Variants in DACH2 observed in about 807,000 individuals in gnomAD.
DACH2 encodes the protein dachshund homolog 2.
A neutral mutation model predicts 35.8 loss-of-function variants in DACH2; 17 were observed. The observed-to-expected ratio is 0.48, with a 90% CI of 0.33 to 0.71. The LOEUF is 0.71. Among genes scored for constraint, DACH2 ranks in the 30% least tolerant of loss-of-function variants. The pLI is 0.02. For synonymous variants in DACH2, 195 were observed against 177.3 expected (o/e 1.10, Z -0.79); for missense variants, 469 against 472.7 (o/e 0.99, Z 0.07).
chrX:86,571,148 T>C (rs926509067), intron 3 of DACH2, among the ~76,000 whole-genome samples: 2 of 110,962 alleles, frequency 1.8e-5, no homozygotes, highest in African/African-American at 6.5e-5. Flanking sequence ...GGTTTTATTT[T>C]CTACATGAAT....
intron 4 of DACH2, among the ~76,000 whole-genome samples, chrX:86,666,229 C>T (rs373768652): frequency 9.1e-6 from 1 of 110,338 alleles, no homozygotes; most frequent in African/African-American, 3.3e-5. Flanking sequence ...TTCTCTACTA[C>T]GTCTACCAGA....
chrX:86,430,220 G>A (rs1400789904), intron 2 of DACH2, among the ~76,000 whole-genome samples: 1 of 111,915 alleles, frequency 8.9e-6, no homozygotes, highest in Admixed American at 9.5e-5. Context: ...TAAACCTGAG[G>A]TATTTAACAT....
intron 1 of DACH2, among the ~76,000 whole-genome samples, chrX:86,246,711 C>G (rs2033291824): frequency 8.9e-6 from 1 of 112,115 alleles, no homozygotes; most frequent in Non-Finnish European, 1.9e-5. Context: ...ACCACGAAAA[C>G]ACACTTAAGT....
At chrX:86,272,823 A>G (rs907759778) in intron 1 of DACH2, among the ~76,000 whole-genome samples, 1 of 112,178 alleles carries the variant, frequency 8.9e-6, no homozygotes, top group Non-Finnish European at 1.9e-5. Flanking sequence ...AGCATTTTAA[A>G]TACTATCAGA....
At position 86,336,351 on chromosome X, in the gene DACH2, G is replaced by T. The variant is rs1013700008; in HGVS notation, c.489-40473G>T. ...CCAGCTCCTCTTTGTACCTCTGGTA[G>T]AATTCAGCTGTGAGTCTGTCTGGTC... On this transcript the variant is annotated intron_variant, in intron 1 of 11. Coordinates refer to ENST00000373125, the MANE Select transcript of DACH2 (RefSeq NM_053281.3). Among the ~76,000 whole-genome samples, 3 of 112,078 alleles carry T rather than the reference G, an allele frequency of 2.7e-5. No homozygotes were observed. The East Asian group carries it at 8.5e-4, about 32-fold the overall frequency.
chrX:86,524,711 G>A (rs2038606067), intron 3 of DACH2, among the ~76,000 whole-genome samples: 1 of 111,230 alleles, frequency 9.0e-6, no homozygotes, highest in South Asian at 3.8e-4. Context: ...ACTTAAAAAT[G>A]TCTCCCCCCA....
chrX:86,562,069 G>A (rs1252116218), intron 3 of DACH2, among the ~76,000 whole-genome samples: 1 of 108,960 alleles, frequency 9.2e-6, no homozygotes, highest in South Asian at 4.0e-4. Flanking sequence ...CAAAGGTAAA[G>A]CTTCCCACCA....
intron 7 of DACH2, among the ~76,000 whole-genome samples, chrX:86,775,647 TCAGTTCA>T (rs1243209634): frequency 1.8e-5 from 2 of 111,964 alleles, no homozygotes; most frequent in East Asian, 5.6e-4. Context: ...AATAATGTGC[TCAGTTCA>T]TACTGTTATT....
intron 2 of DACH2, among the ~76,000 whole-genome samples, chrX:86,402,198 G>A (rs1026881560): frequency 9.0e-6 from 1 of 111,591 alleles, no homozygotes; most frequent in Non-Finnish European, 1.9e-5. Context: ...AATCAGACAA[G>A]AGAAAGAAAC....
chrX:86,429,535 A>ATTTCTTTTCTTTTCT (rs144228984), intron 2 of DACH2, among the ~76,000 whole-genome samples: 4,052 of 101,458 alleles, frequency 0.04, 267 homozygotes, highest in African/African-American at 0.14. Context: ...TCTAGAGTGC[A>ATTTCTTTTCTTTTCT]TTTCTTTTCT....
At chrX:86,560,625 C>T (rs1228705268) in intron 3 of DACH2, among the ~76,000 whole-genome samples, 1 of 89,453 alleles carries the variant, frequency 1.1e-5, no homozygotes, top group Non-Finnish European at 2.2e-5. Flanking sequence ...CTTTGACAAA[C>T]CTGAGAAAAA....
At chrX:86,562,260 C>A (rs867739676) in intron 3 of DACH2, among the ~76,000 whole-genome samples, 10 of 110,444 alleles carry the variant, frequency 9.1e-5, no homozygotes, top group Middle Eastern at 9.3e-3. Flanking sequence ...TGTTTTTTGC[C>A]AGTAAAATTT....
At chrX:86,397,429 T>G (rs1602474339) in intron 2 of DACH2, among the ~76,000 whole-genome samples, 1 of 111,608 alleles carries the variant, frequency 9.0e-6, no homozygotes, top group Non-Finnish European at 1.9e-5. Flanking sequence ...AACACTATGG[T>G]GAATAGGAGT....
chrX:86,205,158 G>A (rs1338827747), intron 1 of DACH2, among the ~76,000 whole-genome samples: 3 of 111,261 alleles, frequency 2.7e-5, no homozygotes, highest in Non-Finnish European at 3.8e-5. Context: ...CTGAATTCTT[G>A]AAATAATGTC....
chrX:86,439,344 A>G (rs1022751786), intron 2 of DACH2, among the ~76,000 whole-genome samples: 13 of 111,977 alleles, frequency 1.2e-4, no homozygotes, highest in Non-Finnish European at 1.3e-4. Flanking sequence ...CTCCCATTCA[A>G]GAGGGTATTT....
chrX:86,761,517 T>C (rs1325386622), intron 7 of DACH2, among the ~76,000 whole-genome samples: 1 of 111,434 alleles, frequency 9.0e-6, no homozygotes, highest in African/African-American at 3.3e-5. Context: ...GAACCAGAGA[T>C]ACCATTTGAC....
intron 3 of DACH2, among the ~76,000 whole-genome samples, chrX:86,567,685 T>C (rs1388557068): frequency 1.8e-5 from 2 of 111,644 alleles, no homozygotes; most frequent in East Asian, 5.6e-4. Context: ...TATTGTTAAC[T>C]GGCCAGCTGT....
chrX:86,148,786 G>A lies in DACH2; in HGVS notation c.166G>A (p.Gly56Arg). Residue 56 changes from glycine (G) to arginine (R), a missense_variant, in exon 1 of 12, where the codon GGA becomes AGA. Gly to Arg is a moderately radical substitution (Grantham distance 125, BLOSUM62 -2). Transcript: ENST00000373125. ...GGTTAATAACCACAGCAACAGTGCC[G>A]GAGGCGGCGGCAGGGGCAACACCAA... The part of the protein sequence containing the change: ...FVVNNHSNSA[G>R]GGGRGNTNTN... The A allele has an allele frequency of 2.5e-6, 3 of 1,211,473 alleles. No individual in the cohort carries two copies. The highest frequency in any genetic ancestry group is 3.4e-6 in the Non-Finnish European group (3 of 895,474).
intron 2 of DACH2, among the ~76,000 whole-genome samples, chrX:86,424,560 C>T (rs766359324): frequency 3.7e-4 from 41 of 111,393 alleles, no homozygotes; most frequent in Non-Finnish European, 6.4e-4. Flanking sequence ...TTTTTTAAAT[C>T]AGTTCAAATA....
Sources: allele counts gnomAD v4.1 joint callset (sites outside exome capture counted in the v4.1 genomes callset), GRCh38; gene constraint gnomAD v4.1.1; transcripts MANE v1.5; gene names NCBI Gene and HGNC (gene_info 2026-07-23, HGNC 2026-07-21).